MSL1: variants seen among roughly 807,000 people sequenced by gnomAD.
The protein encoded by MSL1 is male-specific lethal 1 homolog.
A neutral mutation model predicts 64.6 loss-of-function variants in MSL1; 21 were observed. The observed-to-expected ratio is 0.33, with a 90% CI of 0.23 to 0.47. MSL1 has a LOEUF of 0.47. Among genes scored for constraint, MSL1 ranks in the 20% least tolerant of loss-of-function variants. The pLI, the probability that MSL1 is intolerant of heterozygous loss-of-function variation, is 1.00. For missense variants in MSL1, 664 were observed against 793.2 expected (o/e 0.84, Z 1.96); for synonymous variants, 339 against 329.6 (o/e 1.03, Z -0.31).
rs1413930959 is a variant in MSL1, at chr17:40,136,002, AAGG to A, written c.*1639_*1641del. On this transcript the variant is annotated 3_prime_UTR_variant, in exon 9 of 9. Coordinates refer to ENST00000398532, the MANE Select transcript of MSL1 (RefSeq NM_001365919.1). ...ACTAGGGGCTCTCATCTCACACCTT[AAGG>A]AGGAGATTTCTAGAAAAACTGGGCC... 12 of 152,400 alleles carry A rather than the reference AAGG, an allele frequency of 7.9e-5. No individual in the cohort carries two copies. Among genetic ancestry groups the A allele is most frequent in the East Asian group, 3.8e-4 (2 of 5,326 alleles). The allele number at this position is 152,400 out of a possible 1,614,324, so 9.4% of individuals were successfully genotyped here. A position where few individuals can be genotyped will look rare whatever the true frequency, so the allele number is the denominator to read the frequency against.
At position 40,122,532 on chromosome 17, in the gene MSL1, C is replaced by A. The variant is rs955226736; in HGVS notation, c.-81C>A. 44 of 897,440 alleles carry A rather than the reference C, an allele frequency of 4.9e-5. No individual in the cohort carries two copies. In the South Asian group the frequency reaches 5.2e-4, roughly 11 times the overall value. 55.6% of individuals were successfully genotyped at this position (897,440 alleles called of 1,614,324 possible). ...CGAGCCCGCCAAACTCCCCTCCCCC[C>A]CCTCAGTCCTCGACCCCCCGCACCT... On this transcript the variant is annotated 5_prime_UTR_variant, in exon 1 of 9. Transcript: ENST00000398532. The surrounding 1 kb of genome is among the most constrained non-coding windows in gnomAD (Gnocchi z 4.2).
In MSL1 at chr17:40,123,311, C is replaced by G; in HGVS notation, c.699C>G (p.Ile233Met). The G allele has an allele frequency of 1.3e-6, 2 of 1,536,208 alleles. No homozygotes were observed. The highest frequency in any genetic ancestry group is 1.7e-6 in the Non-Finnish European group (2 of 1,146,908). ...KQILLLQLDL[I>M]EQQQQQLQAK... ...TCCTTCTGCTGCAATTGGACCTCAT[C>G]GAACAGCAGCAGCAGCAGCTGCAGG... Residue 233 changes from isoleucine to methionine, a missense_variant, in exon 1 of 9, where the codon ATC becomes ATG. By Grantham distance (10) the Ile-to-Met change is conservative (BLOSUM62 1). This residue lies in a region of MSL1 where 466 missense variants were observed against 499.0 expected (regional missense o/e 0.93). Transcript: ENST00000398532.
chr17:40,122,496 C>T lies in MSL1; in HGVS notation c.-117C>T. The T allele has an allele frequency of 1.4e-6, 1 of 704,690 alleles. No homozygotes were observed. The highest frequency in any genetic ancestry group is 2.0e-6 in the Non-Finnish European group (1 of 488,290). 43.7% of individuals were successfully genotyped at this position (704,690 alleles called of 1,614,324 possible). On this transcript the variant is annotated 5_prime_UTR_variant, in exon 1 of 9. Coordinates refer to ENST00000398532, the MANE Select transcript of MSL1 (RefSeq NM_001365919.1). This position sits in a 1 kb window ranked among gnomAD's most constrained non-coding sequence, Gnocchi z 4.2. ...CCGCGCTAGCGGAGGCCTGCTGCCG[C>T]GCTGCTGAGGCGAGCCCGCCAAACT...
intron 1 of MSL1, among the ~76,000 whole-genome samples, chr17:40,124,239 A>G (rs2145126696): frequency 6.6e-6 from 1 of 152,148 alleles, no homozygotes; most frequent in Non-Finnish European, 1.5e-5. Context: ...GGTGGGGGGT[A>G]TTACTGTGCT....
chr17:40,126,774 C>G (rs1053771700), intron 2 of MSL1: 4 of 181,530 alleles, frequency 2.2e-5, no homozygotes, highest in Admixed American at 1.1e-4. Context: ...CTCCACTGCA[C>G]TCCAGCCTGG....
chr17:40,128,989 G>C (rs1988382450), intron 2 of MSL1, among the ~76,000 whole-genome samples: 1 of 152,000 alleles, frequency 6.6e-6, no homozygotes, highest in Non-Finnish European at 1.5e-5. Context: ...ACTCCAGCTT[G>C]GGTGACAGAG....
intron 1 of MSL1, among the ~76,000 whole-genome samples, chr17:40,123,862 G>A (rs1454355439): frequency 6.6e-6 from 1 of 152,186 alleles, no homozygotes; most frequent in Non-Finnish European, 1.5e-5. Flanking sequence ...AGTGGGCACA[G>A]GGGTAGAGGT....
chr17:40,133,783 C>T (rs1458086054), intron 7 of MSL1, 44 bp from the exon 8 acceptor site: 2 of 1,610,310 alleles, frequency 1.2e-6, no homozygotes, highest in African/African-American at 2.7e-5. Context: ...TAGACATTTC[C>T]CATCTGTATT....
intron 2 of MSL1, among the ~76,000 whole-genome samples, chr17:40,128,938 C>G (rs1988381471): frequency 6.6e-6 from 1 of 151,850 alleles, no homozygotes; most frequent in South Asian, 2.1e-4. Flanking sequence ...TGCTTGAACC[C>G]GGGAGGCAGA....
In MSL1 at chr17:40,122,753, C is replaced by A; in HGVS notation, c.141C>A (p.Pro47=). 1 of 1,429,754 alleles carries A rather than the reference C, an allele frequency of 7.0e-7. No homozygotes were observed. Among genetic ancestry groups the A allele is most frequent in the Non-Finnish European group, 9.1e-7 (1 of 1,099,978 alleles). 88.6% of individuals were successfully genotyped at this position (1,429,754 alleles called of 1,614,324 possible). The stretch of plus-strand genomic sequence containing the variant: ...GGGCGGCCGAAGCCCACTTCCTCCC[C>A]CGGCACCGTAAGCTCAAGGAGCCGG... ...EPGAAEAHFL[P]RHRKLKEPGP... The change falls in exon 1 of 9, where the codon CCC becomes CCA. Residue 47 remains proline (P), a synonymous_variant. Coordinates refer to ENST00000398532, the MANE Select transcript of MSL1 (RefSeq NM_001365919.1). This position sits in a 1 kb window ranked among gnomAD's most constrained non-coding sequence, Gnocchi z 4.2.
chr17:40,134,602 G>A lies in MSL1; in HGVS notation c.*233G>A. 1.2e-5 allele frequency: 6 copies of A among 514,054 alleles called. No homozygotes were observed. The highest frequency in any genetic ancestry group is 2.1e-5 in the Non-Finnish European group (6 of 284,668). 31.8% of individuals were successfully genotyped at this position (514,054 alleles called of 1,614,324 possible). A position where few individuals can be genotyped will look rare whatever the true frequency, so the allele number is the denominator to read the frequency against. Reference sequence around the variant, plus strand: ...TTCTTTTCCCTTTTTTGGGAAATGGGCTCTCAAGCTAAAGCTATAGGATGG... The same window carrying A: ...TTCTTTTCCCTTTTTTGGGAAATGGACTCTCAAGCTAAAGCTATAGGATGG... On this transcript the variant is annotated 3_prime_UTR_variant, in exon 9 of 9. Transcript: ENST00000398532.
chr17:40,134,217 A>G (rs920604070), intron 8 of MSL1, 62 bp from the exon 9 acceptor site: 3 of 1,422,610 alleles, frequency 2.1e-6, no homozygotes, highest in Non-Finnish European at 1.9e-6. Flanking sequence ...TGTAGTTGCT[A>G]TCATGTCCAC....
chr17:40,132,062 G>C lies in MSL1; in HGVS notation c.1452G>C (p.Glu484Asp), dbSNP rs935466639. Reference protein sequence around the residue: ...AVPSWRDHSVEPLRDPNPSDL... With the variant: ...AVPSWRDHSVDPLRDPNPSDL... The stretch of plus-strand genomic sequence containing the variant: ...CTTCTTGGAGGGACCACTCAGTAGA[G>C]CCTCTAAGGGACCCAAATCCTTCAG... The change falls in exon 5 of 9, where the codon GAG (glutamate) becomes GAC (aspartate). Residue 484 changes from glutamate to aspartate, a missense_variant. Physicochemically the swap from Glu to Asp is conservative, Grantham distance 45. Around this residue, in one of 4 missense-constraint regions of MSL1, gnomAD observed 119 missense variants for 164.3 expected, o/e 0.72. Coordinates refer to ENST00000398532, the MANE Select transcript of MSL1 (RefSeq NM_001365919.1). 3 of 1,602,420 alleles carry C rather than the reference G, an allele frequency of 1.9e-6. No homozygotes were observed. The African/African-American group carries it at 4.0e-5, about 21-fold the overall frequency.
Position 40,136,734 on chromosome 17 carries a change from G to A in MSL1, c.*2365G>A, listed in dbSNP as rs1486074765. On this transcript the variant is annotated 3_prime_UTR_variant, in exon 9 of 9. Coordinates refer to ENST00000398532, the MANE Select transcript of MSL1 (RefSeq NM_001365919.1). ...CCATTTCTGATGTGTAAAATTGGTT[G>A]TCTTGTAAATATCTTATAAAGAGTT... is the stretch of plus-strand genomic sequence containing the variant. 6.6e-6 allele frequency: 1 copy of A among 152,266 alleles called. No individual in the cohort carries two copies. The highest frequency in any genetic ancestry group is 1.9e-4 in the East Asian group (1 of 5,342). 9.4% of individuals were successfully genotyped at this position (152,266 alleles called of 1,614,324 possible).
rs1988229101 is a variant in MSL1 at position 40,123,137 on chromosome 17, A to C, written c.525A>C (p.Leu175=). 6.5e-7 allele frequency: 1 copy of C among 1,531,974 alleles called. No individual in the cohort carries two copies. The highest frequency in any genetic ancestry group is 1.4e-5 in the African/African-American group (1 of 72,472). The allele number at this position is 1,531,974 out of a possible 1,614,324, so 94.9% of individuals were successfully genotyped here. A position where few individuals can be genotyped will look rare whatever the true frequency, so the allele number is the denominator to read the frequency against. Residue 175 remains leucine (L), a synonymous_variant, in exon 1 of 9, where the codon CTA becomes CTC. Transcript: ENST00000398532. ...TASDPAGPPP[L]PLPGPPPLAP... is the part of the protein sequence containing the mutation. ...CGGACCCGGCGGGACCCCCACCACTACCTCTGCCCGGGCCGCCACCCCTCG... is the reference window on the plus strand; with the variant it reads ...CGGACCCGGCGGGACCCCCACCACTCCCTCTGCCCGGGCCGCCACCCCTCG...
Position 40,129,568 on chromosome 17 carries a change from C to T in MSL1, c.1316C>T (p.Pro439Leu). 1.9e-6 allele frequency: 3 copies of T among 1,613,670 alleles called. No individual in the cohort carries two copies. Among genetic ancestry groups the T allele is most frequent in the Non-Finnish European group, 2.5e-6 (3 of 1,179,806 alleles). Residue 439 changes from proline to leucine, a missense_variant, in exon 3 of 9, where the codon CCT (proline) becomes CTT (leucine). Transcript: ENST00000398532. Reference sequence around the variant, plus strand: ...ATGTATTTGTGTCGTTGGCACCAGCCTCCCCCATCACCGTTACCATTACGG... The same window carrying T: ...ATGTATTTGTGTCGTTGGCACCAGCTTCCCCCATCACCGTTACCATTACGG... ...TEMYLCRWHQ[P>L]PPSPLPLRES... is the part of the protein sequence containing the mutation.
At position 40,123,029 on chromosome 17, in the gene MSL1, G is replaced by C; in HGVS notation, c.417G>C (p.Thr139=). The change falls in exon 1 of 9, where the codon ACG becomes ACC. Residue 139 remains threonine (T), a synonymous_variant. Coordinates refer to ENST00000398532, the MANE Select transcript of MSL1 (RefSeq NM_001365919.1). ...PKYQAVLPIQ[T]GSLVAAAKEP... ...ATCAGGCGGTGCTGCCCATTCAGAC[G>C]GGCTCTCTCGTGGCGGCGGCCAAAG... The C allele has an allele frequency of 6.5e-7, 1 of 1,532,352 alleles. No individual in the cohort carries two copies. The highest frequency in any genetic ancestry group is 8.7e-7 in the Non-Finnish European group (1 of 1,145,492). 94.9% of individuals were successfully genotyped at this position (1,532,352 alleles called of 1,614,324 possible). A position where few individuals can be genotyped will look rare whatever the true frequency, so the allele number is the denominator to read the frequency against.
chr17:40,131,635 G>C lies in MSL1; in HGVS notation c.1423+51G>C. On this transcript the variant is annotated intron_variant, in intron 4 of 8. Transcript: ENST00000398532. The surrounding 1 kb of genome is among the most constrained non-coding windows in gnomAD (Gnocchi z 4.5). The stretch of plus-strand genomic sequence containing the variant: ...CTGGGCCTGGGGTGGGGGTTGGTGG[G>C]ATGGTGGATGGTTGGGAGCTGCATT... The C allele has an allele frequency of 6.6e-7, 1 of 1,521,112 alleles. No individual in the cohort carries two copies. The highest frequency in any genetic ancestry group is 1.4e-5 in the African/African-American group (1 of 73,104). 94.2% of individuals were successfully genotyped at this position (1,521,112 alleles called of 1,614,324 possible). A position where few individuals can be genotyped will look rare whatever the true frequency, so the allele number is the denominator to read the frequency against.
Position 40,123,359 on chromosome 17 carries a change from G to A in MSL1, c.747G>A (p.Glu249=). The change falls in exon 1 of 9, where the codon GAG becomes GAA. Residue 249 remains glutamate (E), a synonymous_variant. Coordinates refer to ENST00000398532, the MANE Select transcript of MSL1 (RefSeq NM_001365919.1). Reference sequence around the variant, plus strand: ...AGGCCAAGGAAAAGGAGATCGAGGAGCTGAAGTCAGAGAGAGACACGGTAC... The same window carrying A: ...AGGCCAAGGAAAAGGAGATCGAGGAACTGAAGTCAGAGAGAGACACGGTAC... ...QLQAKEKEIE[E]LKSERDTLLA... is the part of the protein sequence containing the mutation. 1.3e-6 allele frequency: 2 copies of A among 1,536,480 alleles called. No homozygotes were observed. Among genetic ancestry groups the A allele is most frequent in the Non-Finnish European group, 1.7e-6 (2 of 1,146,890 alleles).
Sources: gnomAD v4.1 joint callset for allele counts (sites outside exome capture counted in the v4.1 genomes callset) on GRCh38, gnomAD v4.1.1 for gene constraint, gnomAD v4.1.1 regional missense constraint, Gnocchi (gnomAD v3.1) non-coding constraint, MANE v1.5 for transcripts, NCBI Gene and HGNC (gene_info 2026-07-23, HGNC 2026-07-21) for gene names.